Variants in PUDP observed in about 807,000 individuals in gnomAD.
PUDP encodes the protein pseudouridine-5'-phosphatase.
A neutral mutation model predicts 9.4 loss-of-function variants in PUDP; 8 were observed. The ratio of observed to expected loss-of-function variants is 0.85; its 90% CI spans 0.50 to 1.53. The LOEUF is 1.53. Among genes scored for constraint, PUDP ranks in the 40% most tolerant of loss-of-function variants. The pLI, the probability that PUDP is intolerant of heterozygous loss-of-function variation, is 0.00. For synonymous variants in PUDP, 99 were observed against 80.7 expected (o/e 1.23, Z -1.22); for missense variants, 188 against 189.7 (o/e 0.99, Z 0.05).
At chrX:6,714,750 A>G (rs1255249875) in intron 1 of PUDP, among the ~76,000 whole-genome samples, 1 of 111,603 alleles carries the variant, frequency 9.0e-6, no homozygotes, top group Non-Finnish European at 1.9e-5. Context: ...ATATAGATGT[A>G]TATATATAGA....
chrX:6,735,945 G>A (rs772793591), intron 3 of PUDP, among the ~76,000 whole-genome samples: 4 of 108,844 alleles, frequency 3.7e-5, no homozygotes, highest in Non-Finnish European at 7.6e-5. Flanking sequence ...GTGTTGAGGT[G>A]GGAGAATGAC....
At chrX:7,002,957 C>T (rs1187362051) in intron 1 of PUDP, among the ~76,000 whole-genome samples, 1 of 110,021 alleles carries the variant, frequency 9.1e-6, no homozygotes, top group Non-Finnish European at 1.9e-5. Flanking sequence ...CTGCAAGCTA[C>T]CTAGGGACAC....
At chrX:6,954,169 G>A (rs776894271) in intron 3 of PUDP, among the ~76,000 whole-genome samples, 6 of 110,857 alleles carry the variant, frequency 5.4e-5, no homozygotes, top group Non-Finnish European at 1.1e-4. Context: ...ACCCAGTCTC[G>A]GTATGTCTTT....
chrX:6,745,821 T>G (rs1247735640), intron 3 of PUDP, among the ~76,000 whole-genome samples: 1 of 111,454 alleles, frequency 9.0e-6, no homozygotes, highest in Non-Finnish European at 1.9e-5. Flanking sequence ...TTTTATTAAT[T>G]TTTGTAGAGA....
intron 3 of PUDP, among the ~76,000 whole-genome samples, chrX:6,961,647 A>G (rs1353674942): frequency 8.9e-6 from 1 of 111,847 alleles, no homozygotes; most frequent in Non-Finnish European, 1.9e-5. Context: ...ACCTTCCCAG[A>G]AACTCTAGGA....
chrX:6,923,126 T>C (rs1025661339), intron 3 of PUDP, among the ~76,000 whole-genome samples: 7 of 111,563 alleles, frequency 6.3e-5, no homozygotes, highest in Admixed American at 5.7e-4. Context: ...AGTGGACTGC[T>C]TTCCCTCCTT....
intron 1 of PUDP, among the ~76,000 whole-genome samples, chrX:7,039,293 A>G (rs148039947): frequency 0.016 from 1,841 of 111,879 alleles, 16 homozygotes; most frequent in Non-Finnish European, 0.028. Flanking sequence ...ATTTGAAGCA[A>G]CCATCAACAA....
chrX:6,839,866 A>G (rs1487804666), intron 3 of PUDP, among the ~76,000 whole-genome samples: 1 of 103,060 alleles, frequency 9.7e-6, no homozygotes, highest in Non-Finnish European at 2.0e-5. Flanking sequence ...ACTCTTTGGT[A>G]TTTACCCAAA....
chrX:6,713,661 A>T lies in PUDP; in HGVS notation n.129-7195T>A, dbSNP rs1309196312. Among the ~76,000 whole-genome samples, 3 of 109,150 alleles carry T rather than the reference A, an allele frequency of 2.7e-5. No homozygotes were observed. In the Admixed American group the frequency reaches 2.9e-4, roughly 11 times the overall value. 94.8% of individuals were successfully genotyped at this position (109,150 alleles called of 115,157 possible). A position where few individuals can be genotyped will look rare whatever the true frequency, so the allele number is the denominator to read the frequency against. On this transcript the variant is annotated intron_variant and non_coding_transcript_variant, in intron 1 of 2. Transcript: ENST00000438499. ...GTGGAGGAACATCTATGTATCTCCCAGGAGAGGCCACAGTGAGCATTTTTC... is the reference window on the plus strand; with the variant it reads ...GTGGAGGAACATCTATGTATCTCCCTGGAGAGGCCACAGTGAGCATTTTTC...
At chrX:6,730,786 T>C (rs1274329273) in intron 3 of PUDP, among the ~76,000 whole-genome samples, 1 of 111,943 alleles carries the variant, frequency 8.9e-6, no homozygotes, top group Non-Finnish European at 1.9e-5. Flanking sequence ...AAGTTCACTA[T>C]TCTTGGAGCC....
intron 1 of PUDP, among the ~76,000 whole-genome samples, chrX:6,979,753 T>A (rs781572843): frequency 9.0e-6 from 1 of 110,907 alleles, no homozygotes; most frequent in South Asian, 3.8e-4. Flanking sequence ...ATAAATATGT[T>A]TATTATATTT....
chrX:6,717,454 G>T (rs1924612974), intron 1 of PUDP, among the ~76,000 whole-genome samples: 1 of 111,467 alleles, frequency 9.0e-6, no homozygotes, highest in Admixed American at 9.5e-5. Context: ...CCGATACCTG[G>T]CCTCACATCT....
intron 3 of PUDP, among the ~76,000 whole-genome samples, chrX:6,815,930 G>C (rs1350771193): frequency 9.4e-6 from 1 of 106,817 alleles, no homozygotes; most frequent in Non-Finnish European, 1.9e-5. Flanking sequence ...CCATATATAT[G>C]GGGCTTTATA....
At chrX:6,772,706 A>C (rs1401887288) in intron 3 of PUDP, among the ~76,000 whole-genome samples, 2 of 109,464 alleles carry the variant, frequency 1.8e-5, no homozygotes, top group African/African-American at 6.6e-5. Context: ...CGAGGTGGGT[A>C]GATCACTTGA....
chrX:6,804,184 G>T lies in PUDP; in HGVS notation c.*248-97718C>A, dbSNP rs139976344. Among the ~76,000 whole-genome samples the T allele has an allele frequency of 7.3e-3, 806 of 111,093 alleles. 14 individuals are homozygous for T. Among genetic ancestry groups the T allele is most frequent in the African/African-American group, 0.025 (770 of 30,559 alleles). On this transcript the variant is annotated intron_variant and NMD_transcript_variant, in intron 3 of 3. Coordinates refer to the PUDP transcript ENST00000655425. ...ACACGCAGACACCAGGCACATGCAT[G>T]TATCTCCACCCACGCTGGAAATTAA...
chrX:6,888,181 T>C (rs139539430), intron 3 of PUDP, among the ~76,000 whole-genome samples: 2,213 of 111,369 alleles, frequency 0.02, 58 homozygotes, highest in African/African-American at 0.069. Flanking sequence ...GAATAATTCC[T>C]GGAAGTTGCC....
At position 7,050,475 on chromosome X, in the gene PUDP, G is replaced by T. The variant is rs1211181878; in HGVS notation, c.511-3C>A. 2.5e-6 allele frequency: 3 copies of T among 1,205,018 alleles called. No individual in the cohort carries two copies. The Admixed American group carries it at 6.6e-5, about 27-fold the overall frequency. Reference sequence around the variant, plus strand: ...GGAGCATCTTCAAAGACAAGGCACTGTAGGAAGAAAAAGAAAGTCGAGATG... The same window carrying T: ...GGAGCATCTTCAAAGACAAGGCACTTTAGGAAGAAAAAGAAAGTCGAGATG... On this transcript the variant is annotated splice_polypyrimidine_tract_variant and splice_region_variant and intron_variant, in intron 3 of 3. Coordinates refer to ENST00000381077, the MANE Select transcript of PUDP (RefSeq NM_012080.5).
intron 3 of PUDP, among the ~76,000 whole-genome samples, chrX:6,769,808 TTAAA>T (rs1386952564): frequency 2.7e-5 from 3 of 112,268 alleles, no homozygotes; most frequent in African/African-American, 9.7e-5. Context: ...TCAATCGTAC[TTAAA>T]TAAATAGCAA....
chrX:6,921,529 G>A (rs1429076998), intron 3 of PUDP, among the ~76,000 whole-genome samples: 1 of 111,208 alleles, frequency 9.0e-6, no homozygotes. Flanking sequence ...ATAATTAGAT[G>A]ACTTGTTAAT....
Sources: gnomAD v4.1 joint callset for allele counts (sites outside exome capture counted in the v4.1 genomes callset) on GRCh38, gnomAD v4.1.1 for gene constraint, MANE v1.5 for transcripts, NCBI Gene and HGNC (gene_info 2026-07-23, HGNC 2026-07-21) for gene names.